The following WWP2 variants were observed in gnomAD, a reference collection of about 807,000 sequenced individuals.
The protein encoded by WWP2 is WW domain containing E3 ubiquitin protein ligase 2.
Under a neutral mutation model 121.0 loss-of-function variants are expected in WWP2, and 57 were observed. The ratio of observed to expected loss-of-function variants is 0.47; its 90% CI spans 0.38 to 0.59. WWP2 has a LOEUF of 0.59. Among genes scored for constraint, WWP2 ranks in the 20% least tolerant of loss-of-function variants. The pLI, the probability that WWP2 is intolerant of heterozygous loss-of-function variation, is 0.00. For missense variants in WWP2, 962 were observed against 1,158.9 expected (o/e 0.83, Z 2.47); for synonymous variants, 449 against 441.3 (o/e 1.02, Z -0.22).
chr16:69,824,853 C>T (rs188302005), intron 4 of WWP2, among the ~76,000 whole-genome samples: 5 of 101,584 alleles, frequency 4.9e-5, no homozygotes, highest in African/African-American at 1.4e-4. Flanking sequence ...TCACTGCAGC[C>T]TCCACCTCCC....
intron 4 of WWP2, chr16:69,838,757 A>G: frequency 1.0e-6 from 1 of 985,428 alleles, no homozygotes; most frequent in Non-Finnish European, 1.2e-6. Context: ...AACGTTTAGT[A>G]CTCACCAAGG....
chr16:69,929,381 C>T, intron 11 of WWP2, 67 bp from the exon 12 acceptor site: 1 of 1,488,544 alleles, frequency 6.7e-7, no homozygotes, highest in Non-Finnish European at 9.3e-7. Context: ...GAGGTGGGAA[C>T]CTCAGGGAAA....
chr16:69,842,073 G>T lies in WWP2; in HGVS notation c.528G>T (p.Glu176Asp). Reference sequence around the variant, plus strand: ...CCAGTGGAACAGCAGTAGCTCCAGAGAACCGGCACCAGCCCCCCAGCACAA... The same window carrying T: ...CCAGTGGAACAGCAGTAGCTCCAGATAACCGGCACCAGCCCCCCAGCACAA... Reference protein sequence around the residue: ...RDSSGTAVAPENRHQPPSTNC... With the variant: ...RDSSGTAVAPDNRHQPPSTNC... Residue 176 changes from glutamate to aspartate, a missense_variant, in exon 6 of 24, where the codon GAG becomes GAT. Physicochemically the swap from Glu to Asp is conservative, Grantham distance 45 (BLOSUM62 2). This residue lies in a region of WWP2 where 211 missense variants were observed against 196.5 expected (regional missense o/e 1.07). Transcript: ENST00000359154. 6.2e-7 allele frequency: 1 copy of T among 1,613,512 alleles called. No homozygotes were observed.
intron 9 of WWP2, among the ~76,000 whole-genome samples, chr16:69,915,635 A>G (rs2151970615): frequency 6.6e-6 from 1 of 152,326 alleles, no homozygotes; most frequent in East Asian, 1.9e-4. Context: ...AGCAATTGAG[A>G]GTTGAAAGTG....
intron 6 of WWP2, among the ~76,000 whole-genome samples, chr16:69,853,799 G>T (rs1362475342): frequency 6.6e-6 from 1 of 152,156 alleles, no homozygotes; most frequent in Non-Finnish European, 1.5e-5. Context: ...AGGGAGGGGG[G>T]TACTCCCAGA....
intron 9 of WWP2, among the ~76,000 whole-genome samples, chr16:69,916,186 GTGTTGT>G (rs368952818): frequency 4.0e-5 from 6 of 151,856 alleles, no homozygotes; most frequent in Non-Finnish European, 7.4e-5. Flanking sequence ...GTCAATGGAA[GTGTTGT>G]TGTTGTTGTT....
At chr16:69,938,025 C>G (rs975607166) in intron 21 of WWP2, among the ~76,000 whole-genome samples, 1 of 151,962 alleles carries the variant, frequency 6.6e-6, no homozygotes, top group African/African-American at 2.4e-5. Context: ...TGTGTTGATT[C>G]TTTTATACGT....
chr16:69,906,314 T>C (rs771705520), intron 8 of WWP2, among the ~76,000 whole-genome samples: 5 of 152,112 alleles, frequency 3.3e-5, no homozygotes, highest in South Asian at 2.1e-4. Context: ...CCTTGTGATC[T>C]GCCCGCCTTG....
chr16:69,793,910 G>GC (rs1408381483), intron 2 of WWP2, among the ~76,000 whole-genome samples: 2 of 96,268 alleles, frequency 2.1e-5, no homozygotes, highest in African/African-American at 6.9e-5. Context: ...TATTATCCTT[G>GC]CTTTTTTTTT....
intron 22 of WWP2, 107 bp from the exon 23 acceptor site, chr16:69,939,234 T>C: frequency 6.4e-7 from 1 of 1,559,116 alleles, no homozygotes; most frequent in Non-Finnish European, 8.8e-7. Context: ...AGAAGAGCTG[T>C]GGCCTCTGCA....
intron 1 of WWP2, among the ~76,000 whole-genome samples, chr16:69,784,364 C>T (rs997262227): frequency 1.2e-4 from 19 of 152,044 alleles, no homozygotes; most frequent in African/African-American, 3.9e-4. Context: ...CCTCCCAGAG[C>T]GCTGGGAATA....
chr16:69,895,485 A>G (rs2058092292), intron 8 of WWP2, among the ~76,000 whole-genome samples: 2 of 152,304 alleles, frequency 1.3e-5, no homozygotes, highest in Middle Eastern at 6.8e-3. Flanking sequence ...AAAAGTTCCT[A>G]AAGTGGGCCA....
At chr16:69,835,200 C>T (rs559631856) in intron 4 of WWP2, among the ~76,000 whole-genome samples, 16 of 152,146 alleles carry the variant, frequency 1.1e-4, no homozygotes, top group Admixed American at 2.0e-4. Flanking sequence ...TCTGTAGAGC[C>T]GTCTGCACAG....
At chr16:69,858,167 T>G (rs1370705710) in intron 6 of WWP2, among the ~76,000 whole-genome samples, 1 of 152,116 alleles carries the variant, frequency 6.6e-6, no homozygotes, top group African/African-American at 2.4e-5. Flanking sequence ...TTCTTTACAC[T>G]TAGAAAAAGG....
chr16:69,791,427 C>G (rs921472956), intron 2 of WWP2, among the ~76,000 whole-genome samples: 1 of 151,982 alleles, frequency 6.6e-6, no homozygotes, highest in South Asian at 2.1e-4. Flanking sequence ...AGGGTTTCAC[C>G]GTATTGGTCA....
chr16:69,773,217 C>T (rs529266555), intron 1 of WWP2, among the ~76,000 whole-genome samples: 3 of 151,674 alleles, frequency 2.0e-5, no homozygotes, highest in Middle Eastern at 3.4e-3. Flanking sequence ...CTCATGCTGT[C>T]GCTCAGGCTG....
intron 7 of WWP2, among the ~76,000 whole-genome samples, chr16:69,878,775 G>A (rs1466994169): frequency 6.6e-6 from 1 of 152,040 alleles, no homozygotes; most frequent in Non-Finnish European, 1.5e-5. Context: ...CTTAATTCTT[G>A]TGTATTTCCC....
At position 69,935,700 on chromosome 16, in the gene WWP2, C is replaced by T. The variant is rs1036938762; in HGVS notation, c.1843-153C>T. Among the ~76,000 whole-genome samples, 4 of 152,184 alleles carry T rather than the reference C, an allele frequency of 2.6e-5. No homozygotes were observed. Among genetic ancestry groups the T allele is most frequent in the Non-Finnish European group, 5.9e-5 (4 of 68,034 alleles). ...ATAAAGGCGTTGTTTACTCCTGAGG[C>T]CCTCCCGCTGCGTCCGAGGCAGCTG... On this transcript the variant is annotated intron_variant, in intron 17 of 23. Transcript: ENST00000359154. This position sits in a 1 kb window ranked among gnomAD's most constrained non-coding sequence, Gnocchi z 5.2.
intron 8 of WWP2, among the ~76,000 whole-genome samples, chr16:69,893,565 GTTTGTTTTTGTT>G (rs200377558): frequency 5.3e-5 from 8 of 151,972 alleles, no homozygotes; most frequent in Middle Eastern, 3.2e-3. Context: ...TTTTTTGTTT[GTTTGTTTTTGTT>G]TTTGTTTTTG....
Sources: allele counts gnomAD v4.1 joint callset (sites outside exome capture counted in the v4.1 genomes callset), GRCh38; gene constraint gnomAD v4.1.1; regional missense constraint gnomAD v4.1.1; non-coding constraint Gnocchi (gnomAD v3.1); transcripts MANE v1.5; gene names NCBI Gene and HGNC (gene_info 2026-07-23, HGNC 2026-07-21).